The following MSRA variants were observed in gnomAD, a reference collection of about 807,000 sequenced individuals.
MSRA encodes methionine sulfoxide reductase A.
A neutral mutation model predicts 31.3 loss-of-function variants in MSRA; 54 were observed. That is an observed-to-expected ratio of 1.73 (90% confidence interval 1.39 to 2.17). The LOEUF (loss-of-function observed/expected upper bound fraction) is 2.17. Among genes scored for constraint, MSRA ranks in the 30% most tolerant of loss-of-function variants. The probability of loss-of-function intolerance (pLI) is 0.00; values close to 1 mark genes in which losing one functional copy is unlikely to be tolerated. For missense variants in MSRA, 507 were observed against 300.9 expected, an observed-to-expected ratio of 1.69 and a Z score of -5.07; for synonymous variants, 169 against 116.5, an observed-to-expected ratio of 1.45 and a Z score of -2.90.
intron 2 of MSRA, among the ~76,000 whole-genome samples, chr8:10,231,545 C>T (rs543197127): frequency 1.2e-4 from 19 of 152,226 alleles, no homozygotes; most frequent in Admixed American, 2.6e-4. Context: ...TTTGACATCT[C>T]GATTTAAGTC....
At chr8:10,330,398 C>T (rs1220281498) in intron 5 of MSRA, among the ~76,000 whole-genome samples, 2 of 152,096 alleles carry the variant, frequency 1.3e-5, no homozygotes, top group East Asian at 1.9e-4. Context: ...CCAGATAATT[C>T]CCCAGCAAGA....
At chr8:10,115,195 A>G (rs1461283271) in intron 1 of MSRA, among the ~76,000 whole-genome samples, 1 of 152,252 alleles carries the variant, frequency 6.6e-6, no homozygotes, top group East Asian at 1.9e-4. Flanking sequence ...TCCCTGTCTC[A>G]CATCAGCTGA....
chr8:10,283,673 T>A (rs757859962), intron 3 of MSRA, among the ~76,000 whole-genome samples: 1 of 151,466 alleles, frequency 6.6e-6, no homozygotes, highest in African/African-American at 2.4e-5. Context: ...CTCCCACTTA[T>A]GAGTGAGAAC....
intron 3 of MSRA, among the ~76,000 whole-genome samples, chr8:10,267,876 T>C (rs1425550632): frequency 6.6e-6 from 1 of 152,106 alleles, no homozygotes; most frequent in East Asian, 1.9e-4. Context: ...CTTGCACGTG[T>C]TCGTTTGGGA....
intron 2 of MSRA, among the ~76,000 whole-genome samples, chr8:10,209,569 G>T (rs553637875): frequency 6.6e-6 from 1 of 151,902 alleles, no homozygotes; most frequent in African/African-American, 2.4e-5. Context: ...TGCAGTGGGG[G>T]GTTGCAGTGG....
intron 1 of MSRA, among the ~76,000 whole-genome samples, chr8:10,125,301 G>T (rs1219503832): frequency 6.6e-6 from 1 of 152,224 alleles, no homozygotes; most frequent in Non-Finnish European, 1.5e-5. Context: ...AAGGCTTGGG[G>T]AGTTTCTTGC....
At chr8:10,303,928 T>C (rs1385897253) in intron 4 of MSRA, among the ~76,000 whole-genome samples, 1 of 152,156 alleles carries the variant, frequency 6.6e-6, no homozygotes, top group Non-Finnish European at 1.5e-5. Context: ...ATTTTTTGTT[T>C]TTGTTTTTTA....
chr8:10,144,282 G>A (rs1237990806), intron 1 of MSRA, among the ~76,000 whole-genome samples: 5 of 152,166 alleles, frequency 3.3e-5, no homozygotes. Context: ...CTTGTTAATA[G>A]CCTCTGGAGC....
rs768468134 is a variant in MSRA, at chr8:10,320,008, C to A, written c.543+19C>A. The A allele has an allele frequency of 6.4e-7, 1 of 1,558,412 alleles. No homozygotes were observed. The highest frequency in any genetic ancestry group is 1.2e-5 in the South Asian group (1 of 83,936). On this transcript the variant is annotated intron_variant, in intron 5 of 5. Coordinates refer to ENST00000317173, the MANE Select transcript of MSRA (RefSeq NM_012331.5). ...CCAAAAGGTAGGGATTGCTGGGCTC[C>A]TAGCCCCTGGCTTAGGCCACCATGA...
chr8:10,116,805 T>G (rs1800720773), intron 1 of MSRA, among the ~76,000 whole-genome samples: 2 of 152,144 alleles, frequency 1.3e-5, no homozygotes, highest in Admixed American at 1.3e-4. Context: ...CCGTCTCTAC[T>G]AAAAATACAA....
At chr8:10,286,943 G>T (rs1343549923) in intron 3 of MSRA, among the ~76,000 whole-genome samples, 1 of 152,228 alleles carries the variant, frequency 6.6e-6, no homozygotes, top group African/African-American at 2.4e-5. Flanking sequence ...TATAACTGCT[G>T]TGCTGACAAG....
At chr8:10,334,174 G>A (rs1218510586) in intron 5 of MSRA, among the ~76,000 whole-genome samples, 2 of 110,090 alleles carry the variant, frequency 1.8e-5, no homozygotes, top group African/African-American at 6.1e-5. Flanking sequence ...GGGTGTGTGT[G>A]TGTGTGTGTA....
intron 3 of MSRA, among the ~76,000 whole-genome samples, chr8:10,270,907 C>T (rs1246699606): frequency 1.3e-5 from 2 of 152,156 alleles, no homozygotes; most frequent in South Asian, 2.1e-4. Context: ...AGGCGCCTTC[C>T]CCACAGCTTG....
At chr8:10,337,877 A>G (rs1803156090) in intron 5 of MSRA, 3 of 695,956 alleles carry the variant, frequency 4.3e-6, no homozygotes, top group African/African-American at 1.8e-5. Context: ...GTCCTCACAA[A>G]TGCACACATT....
chr8:10,366,936 C>T (rs936513801), intron 5 of MSRA, among the ~76,000 whole-genome samples: 5 of 152,086 alleles, frequency 3.3e-5, no homozygotes, highest in Admixed American at 1.3e-4. Context: ...TGTTGTGTTC[C>T]GGTTGGGCCT....
At chr8:10,387,592 C>A (rs1008803439) in intron 5 of MSRA, among the ~76,000 whole-genome samples, 1 of 152,054 alleles carries the variant, frequency 6.6e-6, no homozygotes, top group Non-Finnish European at 1.5e-5. Context: ...TTCTTCTTAG[C>A]GCTGGTGGAT....
intron 1 of MSRA, among the ~76,000 whole-genome samples, chr8:10,181,720 G>C (rs1000727411): frequency 6.6e-6 from 1 of 152,192 alleles, no homozygotes; most frequent in African/African-American, 2.4e-5. Flanking sequence ...GGGTCATGAT[G>C]GAGGTGGTGA....
At chr8:10,327,816 C>A (rs531063973) in intron 5 of MSRA, among the ~76,000 whole-genome samples, 24 of 151,994 alleles carry the variant, frequency 1.6e-4, no homozygotes, top group Non-Finnish European at 3.4e-4. Context: ...GCCTGTAGTC[C>A]CAGCTACTCA....
intron 1 of MSRA, among the ~76,000 whole-genome samples, chr8:10,128,102 G>A (rs1470196878): frequency 1.3e-5 from 2 of 152,076 alleles, no homozygotes; most frequent in African/African-American, 4.8e-5. Flanking sequence ...TCTAGGCCAG[G>A]TGCGATGGCT....
Sources: gnomAD v4.1 joint callset for allele counts (sites outside exome capture counted in the v4.1 genomes callset) on GRCh38, gnomAD v4.1.1 for gene constraint, MANE v1.5 for transcripts, NCBI Gene and HGNC (gene_info 2026-07-23, HGNC 2026-07-21) for gene names.